The following KIAA1328 variants were observed in gnomAD, a reference collection of about 807,000 sequenced individuals.
KIAA1328 encodes the protein protein hinderin.
Under a neutral mutation model 68.1 loss-of-function variants are expected in KIAA1328, and 52 were observed. The ratio of observed to expected loss-of-function variants is 0.76; its 90% CI spans 0.61 to 0.96. KIAA1328 has a LOEUF of 0.96. KIAA1328 is among the 40% of genes least tolerant of loss of function. The probability of loss-of-function intolerance (pLI) is 0.00; values close to 1 mark genes in which losing one functional copy is unlikely to be tolerated. For synonymous variants in KIAA1328, 232 were observed against 239.4 expected (o/e 0.97, Z 0.28); for missense variants, 641 against 677.6 (o/e 0.95, Z 0.60).
Position 37,217,293 on chromosome 18 carries a change from C to T in KIAA1328, c.1524-4724C>T, listed in dbSNP as rs190283037. Among the ~76,000 whole-genome samples the T allele has an allele frequency of 1.0e-3, 157 of 152,232 alleles. 1 individual carries two copies. Among genetic ancestry groups the T allele is most frequent in the African/African-American group, 3.3e-3 (135 of 41,528 alleles). ...GTCTTTACAATTTGGCATGTTTTTG[C>T]GGTGGCTGGTACCGGTTGTTCCTTT... is the stretch of plus-strand genomic sequence containing the variant. On this transcript the variant is annotated intron_variant, in intron 9 of 9. Transcript: ENST00000280020.
chr18:37,164,936 A>G (rs1344821842), intron 8 of KIAA1328, among the ~76,000 whole-genome samples: 1 of 152,182 alleles, frequency 6.6e-6, no homozygotes, highest in Admixed American at 6.5e-5. Flanking sequence ...ATTAAGATAT[A>G]GTACATTTCC....
intron 7 of KIAA1328, among the ~76,000 whole-genome samples, chr18:37,129,548 T>G (rs575307641): frequency 2.0e-5 from 3 of 152,212 alleles, no homozygotes; most frequent in Non-Finnish European, 4.4e-5. Flanking sequence ...TGTGGCATGA[T>G]TCTGAGAAAT....
Position 36,902,122 on chromosome 18 carries a change from G to GTGT in KIAA1328, c.448+16453_448+16455dup, listed in dbSNP as rs1418915462. 7.2e-5 allele frequency: 11 copies of GTGT among 151,824 alleles called. No homozygotes were observed. The East Asian group carries it at 2.1e-3, about 29-fold the overall frequency. The allele number at this position is 151,824 out of a possible 1,614,324, so 9.4% of individuals were successfully genotyped here. Reference sequence around the variant, plus strand: ...AATGTAGCCTTCATTTTTGCCACATGTGTTGCCAGACCGGACATCATATGA... The same window carrying GTGT: ...AATGTAGCCTTCATTTTTGCCACATGTGTTGTTGCCAGACCGGACATCATATGA... On this transcript the variant is annotated intron_variant, in intron 5 of 9. Transcript: ENST00000280020.
At chr18:36,881,136 G>GGT (rs1329169651) in intron 4 of KIAA1328, among the ~76,000 whole-genome samples, 7 of 131,656 alleles carry the variant, frequency 5.3e-5, no homozygotes, top group African/African-American at 1.6e-4. Flanking sequence ...AAGTTAACTT[G>GGT]TTTTTTTTTT....
At chr18:37,157,154 A>G (rs922883828) in intron 7 of KIAA1328, among the ~76,000 whole-genome samples, 87 of 152,278 alleles carry the variant, frequency 5.7e-4, no homozygotes, top group African/African-American at 2.0e-3. Context: ...TTGTTCTTTA[A>G]AAACAAGTTC....
intron 4 of KIAA1328, among the ~76,000 whole-genome samples, chr18:36,857,070 C>A (rs2162389): frequency 0.14 from 20,666 of 151,954 alleles, 1,728 homozygotes; most frequent in Admixed American, 0.18. Flanking sequence ...CTACAACTCT[C>A]CCTTAGCCTC....
chr18:37,050,066 A>G (rs1203205005), intron 6 of KIAA1328, among the ~76,000 whole-genome samples: 1 of 152,124 alleles, frequency 6.6e-6, no homozygotes, highest in Non-Finnish European at 1.5e-5. Context: ...ATGAATTTAA[A>G]AGAACCCATT....
chr18:37,086,238 C>A (rs2057100690), intron 7 of KIAA1328, among the ~76,000 whole-genome samples: 1 of 152,132 alleles, frequency 6.6e-6, no homozygotes, highest in African/African-American at 2.4e-5. Flanking sequence ...AGTGTTCTCA[C>A]CACAAAAATA....
At chr18:36,975,469 A>G (rs1028478316) in intron 6 of KIAA1328, among the ~76,000 whole-genome samples, 6 of 152,278 alleles carry the variant, frequency 3.9e-5, no homozygotes, top group South Asian at 2.1e-4. Flanking sequence ...GGCGTGAGCC[A>G]CCGCGCCCGG....
intron 6 of KIAA1328, among the ~76,000 whole-genome samples, chr18:37,049,316 G>A (rs2055600897): frequency 6.6e-6 from 1 of 152,156 alleles, no homozygotes; most frequent in Admixed American, 6.5e-5. Context: ...AAACCACAAT[G>A]GAGGAAAATG....
intron 7 of KIAA1328, among the ~76,000 whole-genome samples, chr18:37,100,624 A>T (rs979676554): frequency 6.6e-6 from 1 of 152,200 alleles, no homozygotes; most frequent in Non-Finnish European, 1.5e-5. Flanking sequence ...AGGCAGCAGA[A>T]ACCTCTGCAG....
At chr18:36,952,357 C>T (rs1442559402) in intron 5 of KIAA1328, among the ~76,000 whole-genome samples, 1 of 152,170 alleles carries the variant, frequency 6.6e-6, no homozygotes, top group African/African-American at 2.4e-5. Flanking sequence ...TCTCCTGGAA[C>T]ATGTTATCCT....
At chr18:37,083,253 T>C (rs2057004603) in intron 7 of KIAA1328, among the ~76,000 whole-genome samples, 1 of 152,146 alleles carries the variant, frequency 6.6e-6, no homozygotes, top group South Asian at 2.1e-4. Context: ...CCTACCTATG[T>C]GTCACCACCA....
chr18:37,023,380 A>G (rs2054424708), intron 6 of KIAA1328, among the ~76,000 whole-genome samples: 2 of 151,918 alleles, frequency 1.3e-5, no homozygotes, highest in South Asian at 2.1e-4. Flanking sequence ...AAGCCAGACT[A>G]ATTTTTTTTT....
chr18:37,075,734 T>C (rs967348128), intron 7 of KIAA1328: 1 of 151,952 alleles, frequency 6.6e-6, no homozygotes, highest in Admixed American at 6.6e-5. Flanking sequence ...AAGAGACAAA[T>C]AAGGCCATTA....
At chr18:37,029,120 A>G (rs554297408) in intron 6 of KIAA1328, among the ~76,000 whole-genome samples, 1 of 152,292 alleles carries the variant, frequency 6.6e-6, no homozygotes, top group South Asian at 2.1e-4. Flanking sequence ...TATGTCTGGT[A>G]GAATTCACCT....
chr18:36,877,010 T>C (rs2048149547), intron 4 of KIAA1328, among the ~76,000 whole-genome samples: 1 of 152,186 alleles, frequency 6.6e-6, no homozygotes, highest in Admixed American at 6.5e-5. Flanking sequence ...TAATCCTGAG[T>C]TCTAATTTGA....
chr18:37,030,076 A>G (rs540611790), intron 6 of KIAA1328, among the ~76,000 whole-genome samples: 8 of 151,790 alleles, frequency 5.3e-5, no homozygotes, highest in African/African-American at 1.9e-4. Context: ...TTTGATTTTT[A>G]TTATGCACAT....
intron 5 of KIAA1328, among the ~76,000 whole-genome samples, chr18:36,892,500 G>T (rs1047459757): frequency 6.6e-6 from 1 of 151,404 alleles, no homozygotes; most frequent in Non-Finnish European, 1.5e-5. Flanking sequence ...TTGGGTTTTT[G>T]TTTTTTTTGT....
Sources: gnomAD v4.1 joint callset for allele counts (sites outside exome capture counted in the v4.1 genomes callset) on GRCh38, gnomAD v4.1.1 for gene constraint, MANE v1.5 for transcripts, NCBI Gene and HGNC (gene_info 2026-07-23, HGNC 2026-07-21) for gene names.